RUBCNL: variants seen among roughly 807,000 people sequenced by gnomAD.
RUBCNL encodes the protein rubicon like autophagy enhancer.
Under a neutral mutation model 69.5 loss-of-function variants are expected in RUBCNL, and 62 were observed. The observed-to-expected ratio is 0.89, with a 90% CI of 0.73 to 1.10. The LOEUF (loss-of-function observed/expected upper bound fraction) is 1.10. Ranked by LOEUF, RUBCNL falls within the 50% of genes least tolerant of loss-of-function variation. The pLI is 0.00. For missense variants in RUBCNL, 768 were observed against 798.1 expected (o/e 0.96, Z 0.45); for synonymous variants, 291 against 303.6 (o/e 0.96, Z 0.43).
intron 12 of RUBCNL, among the ~76,000 whole-genome samples, chr13:46,347,731 C>T (rs1319348785): frequency 2.0e-5 from 3 of 152,080 alleles, no homozygotes; most frequent in African/African-American, 7.2e-5. Flanking sequence ...GTGGCTCATG[C>T]CTGTAATCCC....
At chr13:46,343,603 G>C in intron 14 of RUBCNL, 106 bp from the exon 15 acceptor site, 3 of 1,165,948 alleles carry the variant, frequency 2.6e-6, no homozygotes, top group Non-Finnish European at 3.6e-6. Flanking sequence ...TGAATCCAGA[G>C]CCCAGAGTCT....
chr13:46,386,694 G>A (rs2049255370), intron 1 of RUBCNL, among the ~76,000 whole-genome samples: 1 of 152,186 alleles, frequency 6.6e-6, no homozygotes, highest in Non-Finnish European at 1.5e-5. Context: ...GTAGCCAAAT[G>A]TTTTTCTGTC....
At chr13:46,368,495 T>G (rs532670255) in intron 4 of RUBCNL, 1 of 985,332 alleles carries the variant, frequency 1.0e-6, no homozygotes, top group South Asian at 4.7e-5. Context: ...AAACCTTAGG[T>G]TGGGGGAAGC....
intron 2 of RUBCNL, chr13:46,374,289 G>C (rs1456534354): frequency 6.6e-6 from 1 of 152,350 alleles, no homozygotes; most frequent in African/African-American, 2.4e-5. Flanking sequence ...ATGTTGGCCA[G>C]GCTGATCTTG....
chr13:46,365,392 T>C (rs958349797), intron 5 of RUBCNL, among the ~76,000 whole-genome samples: 12 of 151,696 alleles, frequency 7.9e-5, no homozygotes, highest in African/African-American at 2.7e-4. Flanking sequence ...CACAGTTGCA[T>C]TGCATGGGCC....
chr13:46,385,506 TC>T (rs2049218880), intron 1 of RUBCNL, among the ~76,000 whole-genome samples: 1 of 152,162 alleles, frequency 6.6e-6, no homozygotes, highest in South Asian at 2.1e-4. Context: ...CTAGAAATAA[TC>T]GTTCCATATT....
intron 10 of RUBCNL, among the ~76,000 whole-genome samples, chr13:46,354,573 A>G (rs1389674342): frequency 6.6e-6 from 1 of 152,190 alleles, no homozygotes; most frequent in Non-Finnish European, 1.5e-5. Flanking sequence ...CTCTCTGGCC[A>G]CACAGGGTTT....
At chr13:46,358,544 A>G (rs903186032) in intron 9 of RUBCNL, among the ~76,000 whole-genome samples, 3 of 151,970 alleles carry the variant, frequency 2.0e-5, no homozygotes, top group African/African-American at 7.3e-5. Flanking sequence ...TTTTATTTAC[A>G]TTTTGTTACA....
In RUBCNL at chr13:46,338,716, A is replaced by G. The variant is rs1178079562; in HGVS notation, c.*4669T>C. Among the ~76,000 whole-genome samples, 2 of 152,102 alleles carry G rather than the reference A, an allele frequency of 1.3e-5. No homozygotes were observed. Among genetic ancestry groups the G allele is most frequent in the African/African-American group, 4.8e-5 (2 of 41,406 alleles). The stretch of plus-strand genomic sequence containing the variant: ...ACGGCAGGACTAGAAAAGAGGGGGC[A>G]GCCCTGGGGAGAAAGAAGCCTGGAA... On this transcript the variant is annotated 3_prime_UTR_variant, in exon 15 of 15. Coordinates refer to ENST00000429979, the MANE Select transcript of RUBCNL (RefSeq NM_025113.5).
chr13:46,375,447 C>T (rs1237128568), intron 2 of RUBCNL, among the ~76,000 whole-genome samples: 2 of 152,202 alleles, frequency 1.3e-5, no homozygotes, highest in East Asian at 1.9e-4. Context: ...GCAGGAGAAT[C>T]GCTTGAACCT....
In RUBCNL at chr13:46,337,286, G is replaced by A. The variant is rs983302641; in HGVS notation, c.*6099C>T. On this transcript the variant is annotated 3_prime_UTR_variant, in exon 15 of 15. Coordinates refer to ENST00000429979, the MANE Select transcript of RUBCNL (RefSeq NM_025113.5). ...GCCTCCCGAGTAGCTGGGATTACAG[G>A]CACTTGCGACCACACCTAATTTTTG... is the stretch of plus-strand genomic sequence containing the variant. 6.6e-6 allele frequency among the ~76,000 whole-genome samples: 1 copy of A among 152,122 alleles called. No individual in the cohort carries two copies. Among genetic ancestry groups the A allele is most frequent in the Admixed American group, 6.5e-5 (1 of 15,268 alleles).
intron 5 of RUBCNL, among the ~76,000 whole-genome samples, chr13:46,364,526 T>A (rs1594161037): frequency 6.6e-6 from 1 of 151,908 alleles, no homozygotes. Flanking sequence ...AGAATGGGGG[T>A]AAGAGCACCC....
In RUBCNL at chr13:46,349,354, G is replaced by T; in HGVS notation, c.1570-7C>A. On this transcript the variant is annotated splice_region_variant and splice_polypyrimidine_tract_variant and intron_variant, in intron 11 of 14. Transcript: ENST00000429979. ...AGAGCTGCTCCTGAATTTCCTAATG[G>T]GAGAAACCAAACACGGGGAAAAGTT... The T allele has an allele frequency of 1.2e-6, 2 of 1,613,044 alleles. No individual in the cohort carries two copies. Among genetic ancestry groups the T allele is most frequent in the Non-Finnish European group, 1.7e-6 (2 of 1,179,194 alleles).
Position 46,338,961 on chromosome 13 carries a change from C to T in RUBCNL, c.*4424G>A, listed in dbSNP as rs1052374763. Among the ~76,000 whole-genome samples, 7 of 151,522 alleles carry T rather than the reference C, an allele frequency of 4.6e-5. No individual in the cohort carries two copies. Among genetic ancestry groups the T allele is most frequent in the African/African-American group, 1.2e-4 (5 of 41,158 alleles). On this transcript the variant is annotated 3_prime_UTR_variant, in exon 15 of 15. Coordinates refer to ENST00000429979, the MANE Select transcript of RUBCNL (RefSeq NM_025113.5). ...ACTAGGGAAGCTGAGGCAGGAAAATCGCTTGAACCGGGAAGCAGAGGCTGC... is the reference window on the plus strand; with the variant it reads ...ACTAGGGAAGCTGAGGCAGGAAAATTGCTTGAACCGGGAAGCAGAGGCTGC...
chr13:46,368,630 A>G (rs2048812198), intron 4 of RUBCNL, 103 bp downstream of exon 4: 1 of 1,297,464 alleles, frequency 7.7e-7, no homozygotes, highest in African/African-American at 1.5e-5. Context: ...AAGGAAACCT[A>G]TTTGTAATGA....
rs2048108990 is a variant in RUBCNL, at chr13:46,337,013, G to A, written c.*6372C>T. On this transcript the variant is annotated 3_prime_UTR_variant, in exon 15 of 15. Coordinates refer to ENST00000429979, the MANE Select transcript of RUBCNL (RefSeq NM_025113.5). Reference sequence around the variant, plus strand: ...TGTGTTGAAGACCTAACCCCCAATTGTGACAGTATTAGGAGGTGGAGCCTT... The same window carrying A: ...TGTGTTGAAGACCTAACCCCCAATTATGACAGTATTAGGAGGTGGAGCCTT... 6.6e-6 allele frequency among the ~76,000 whole-genome samples: 1 copy of A among 152,118 alleles called. No individual in the cohort carries two copies. The highest frequency in any genetic ancestry group is 1.5e-5 in the Non-Finnish European group (1 of 68,024).
At position 46,347,085 on chromosome 13, in the gene RUBCNL, G is replaced by A. The variant is rs146694615; in HGVS notation, c.1632-1485C>T. Among the ~76,000 whole-genome samples the A allele has an allele frequency of 3.2e-3, 481 of 152,264 alleles. 4 individuals are homozygous for A. Among genetic ancestry groups the A allele is most frequent in the African/African-American group, 0.011 (457 of 41,540 alleles). ...GGAGTATCAATGATCCCATCACCCA[G>A]GGAGAGAGCATAATACCTCTTAATA... On this transcript the variant is annotated intron_variant, in intron 12 of 14. Coordinates refer to ENST00000429979, the MANE Select transcript of RUBCNL (RefSeq NM_025113.5).
At position 46,343,249 on chromosome 13, in the gene RUBCNL, G is replaced by T; in HGVS notation, c.*136C>A. ...CATTCTTTTGAAACATTAAGTATAT[G>T]CAATAAAGAGAATATAGACCATCTT... On this transcript the variant is annotated 3_prime_UTR_variant, in exon 15 of 15. Coordinates refer to ENST00000429979, the MANE Select transcript of RUBCNL (RefSeq NM_025113.5). The T allele has an allele frequency of 1.5e-6, 2 of 1,313,364 alleles. No homozygotes were observed. The highest frequency in any genetic ancestry group is 2.1e-6 in the Non-Finnish European group (2 of 947,828). The allele number at this position is 1,313,364 out of a possible 1,614,324, so 81.4% of individuals were successfully genotyped here. A position where few individuals can be genotyped will look rare whatever the true frequency, so the allele number is the denominator to read the frequency against.
intron 5 of RUBCNL, among the ~76,000 whole-genome samples, chr13:46,363,697 T>C (rs1173448385): frequency 6.6e-6 from 1 of 151,306 alleles, no homozygotes; most frequent in Non-Finnish European, 1.5e-5. Flanking sequence ...CTACAAAAAA[T>C]ACAAAAAAAT....
Sources: gnomAD v4.1 joint callset for allele counts (sites outside exome capture counted in the v4.1 genomes callset) on GRCh38, gnomAD v4.1.1 for gene constraint, MANE v1.5 for transcripts, NCBI Gene and HGNC (gene_info 2026-07-23, HGNC 2026-07-21) for gene names.